STK39: variants seen among roughly 807,000 people sequenced by gnomAD.
STK39 encodes STE20/SPS1-related proline-alanine-rich protein kinase.
In STK39, 20 loss-of-function variants were observed where a neutral mutation model predicts 77.8. The ratio of observed to expected loss-of-function variants is 0.26; its 90% CI spans 0.18 to 0.37. The LOEUF (loss-of-function observed/expected upper bound fraction) is 0.37, where lower values mean the gene tolerates loss of function less well. Among genes scored for constraint, STK39 ranks in the 10% least tolerant of loss-of-function variants. The probability of loss-of-function intolerance (pLI) is 1.00; values close to 1 mark genes in which losing one functional copy is unlikely to be tolerated. For missense variants in STK39, 479 were observed against 656.5 expected, an observed-to-expected ratio of 0.73 and a Z score of 2.95; for synonymous variants, 246 against 234.1, an observed-to-expected ratio of 1.05 and a Z score of -0.47.
At chr2:168,165,037 G>A (rs1184893642) in intron 3 of STK39, among the ~76,000 whole-genome samples, 1 of 151,846 alleles carries the variant, frequency 6.6e-6, no homozygotes, top group Non-Finnish European at 1.5e-5. Flanking sequence ...TGAAATAGAA[G>A]AAAACAAATG....
chr2:168,118,602 CAAAAA>C (rs35533319), intron 10 of STK39, among the ~76,000 whole-genome samples: 10 of 119,338 alleles, frequency 8.4e-5, no homozygotes, highest in Middle Eastern at 4.5e-3. Context: ...CATATGCTTT[CAAAAA>C]AAAAAAAAAA....
At chr2:168,043,089 G>A (rs937464520) in intron 14 of STK39, among the ~76,000 whole-genome samples, 10 of 151,992 alleles carry the variant, frequency 6.6e-5, no homozygotes, top group East Asian at 1.9e-4. Context: ...CGTCCCCACC[G>A]CCCAACTTTA....
Position 167,955,236 on chromosome 2 carries a change from G to A in STK39, c.*260C>T, listed in dbSNP as rs1422789309. ...TATTAAATAGCTTTTGGAAAAATGA[G>A]CAACAGTCGTGCAGCTGTGGCATTT... On this transcript the variant is annotated 3_prime_UTR_variant, in exon 18 of 18. Transcript: ENST00000355999. 1.7e-5 allele frequency: 5 copies of A among 290,168 alleles called. No homozygotes were observed. The highest frequency in any genetic ancestry group is 3.2e-5 in the Non-Finnish European group (5 of 154,816). The allele number at this position is 290,168 out of a possible 1,614,324, so 18.0% of individuals were successfully genotyped here.
At chr2:168,245,790 T>C (rs988648891) in intron 1 of STK39, among the ~76,000 whole-genome samples, 2 of 152,208 alleles carry the variant, frequency 1.3e-5, no homozygotes, top group Non-Finnish European at 2.9e-5. Context: ...CCTGAAGCTA[T>C]TTCAGGCAGT....
At chr2:168,031,015 A>G (rs1338198116) in intron 14 of STK39, among the ~76,000 whole-genome samples, 2 of 152,184 alleles carry the variant, frequency 1.3e-5, no homozygotes, top group East Asian at 3.8e-4. Flanking sequence ...AGATTCTCTC[A>G]AGGCAAAAAG....
intron 1 of STK39, among the ~76,000 whole-genome samples, chr2:168,241,645 C>A (rs1464558175): frequency 6.6e-6 from 1 of 152,244 alleles, no homozygotes; most frequent in African/African-American, 2.4e-5. Flanking sequence ...TTTCCCACTT[C>A]CTCCCTGCTA....
intron 16 of STK39, among the ~76,000 whole-genome samples, chr2:168,010,264 G>T (rs1043645590): frequency 1.4e-5 from 2 of 142,284 alleles, no homozygotes; most frequent in East Asian, 4.2e-4. Context: ...AGGTTTGCAG[G>T]GTCTCCTGAT....
chr2:168,090,953 G>A (rs1380134358), intron 10 of STK39, among the ~76,000 whole-genome samples: 1 of 152,144 alleles, frequency 6.6e-6, no homozygotes, highest in East Asian at 1.9e-4. Flanking sequence ...TGACAGAGCT[G>A]ATGATCAAAA....
chr2:168,041,881 T>G (rs1053377195), intron 14 of STK39, among the ~76,000 whole-genome samples: 2 of 152,266 alleles, frequency 1.3e-5, no homozygotes. Flanking sequence ...AAAAAATAAC[T>G]CAAGAACATT....
At chr2:168,062,977 A>T (rs1292735618) in intron 14 of STK39, among the ~76,000 whole-genome samples, 4 of 152,182 alleles carry the variant, frequency 2.6e-5, no homozygotes, top group Admixed American at 2.6e-4. Flanking sequence ...GCAGACAAAG[A>T]CCATACTGTC....
At chr2:168,140,781 C>G in intron 5 of STK39, 23 bp from the exon 6 acceptor site, 1 of 1,553,130 alleles carries the variant, frequency 6.4e-7, no homozygotes, top group Non-Finnish European at 8.7e-7. Context: ...AAAAAATCAC[C>G]TTTATTTTAT....
chr2:167,961,053 G>A (rs533654808), intron 17 of STK39, among the ~76,000 whole-genome samples: 1 of 152,308 alleles, frequency 6.6e-6, no homozygotes, highest in South Asian at 2.1e-4. Flanking sequence ...TTTAGGCTGG[G>A]AGTAGGAGGC....
chr2:167,987,824 G>A (rs1448482860), intron 16 of STK39, among the ~76,000 whole-genome samples: 1 of 152,142 alleles, frequency 6.6e-6, no homozygotes, highest in Non-Finnish European at 1.5e-5. Context: ...TTGACTTTGA[G>A]AAATCCTACA....
chr2:168,111,172 T>C (rs1559102282), intron 10 of STK39, among the ~76,000 whole-genome samples: 1 of 152,194 alleles, frequency 6.6e-6, no homozygotes. Flanking sequence ...TCTAAAAATC[T>C]CTGTTGAAGC....
At chr2:168,155,096 A>G (rs1262397518) in intron 5 of STK39, among the ~76,000 whole-genome samples, 1 of 152,124 alleles carries the variant, frequency 6.6e-6, no homozygotes, top group Non-Finnish European at 1.5e-5. Flanking sequence ...GCCCCCCTAG[A>G]CACTCTTCTG....
At chr2:168,095,718 C>T (rs1055293638) in intron 10 of STK39, among the ~76,000 whole-genome samples, 1 of 151,088 alleles carries the variant, frequency 6.6e-6, no homozygotes, top group Non-Finnish European at 1.5e-5. Flanking sequence ...GCTCCGCCTC[C>T]TGGGTTCACG....
intron 16 of STK39, among the ~76,000 whole-genome samples, chr2:167,995,357 C>G (rs1683810389): frequency 6.6e-6 from 1 of 152,148 alleles, no homozygotes; most frequent in African/African-American, 2.4e-5. Context: ...ATGCACCTGC[C>G]TCGGCCTCCC....
At chr2:168,066,593 C>T (rs937204733) in intron 12 of STK39, among the ~76,000 whole-genome samples, 1 of 152,208 alleles carries the variant, frequency 6.6e-6, no homozygotes, top group African/African-American at 2.4e-5. Flanking sequence ...ATTATTGTGA[C>T]TTCCTTTAGT....
At chr2:168,129,858 A>C (rs998668004) in intron 8 of STK39, 100 bp from the exon 9 acceptor site, 1 of 1,335,498 alleles carries the variant, frequency 7.5e-7, no homozygotes, top group African/African-American at 1.5e-5. Flanking sequence ...CTGGAAGACC[A>C]ATTTTAGTAA....
Sources: allele counts gnomAD v4.1 joint callset (sites outside exome capture counted in the v4.1 genomes callset), GRCh38; gene constraint gnomAD v4.1.1; transcripts MANE v1.5; gene names NCBI Gene and HGNC (gene_info 2026-07-23, HGNC 2026-07-21).